Variants in CA10 observed in about 807,000 individuals in gnomAD.
The protein encoded by CA10 is carbonic anhydrase 10 (inactive), also known as carbonic anhydrase-related protein 10.
A neutral mutation model predicts 44.2 loss-of-function variants in CA10; 14 were observed. The observed-to-expected ratio is 0.32, with a 90% CI of 0.21 to 0.50. CA10 has a LOEUF of 0.50. Among genes scored for constraint, CA10 ranks in the 20% least tolerant of loss-of-function variants. The pLI is 0.99. For synonymous variants in CA10, 159 were observed against 141.6 expected (o/e 1.12, Z -0.87); for missense variants, 350 against 409.7 (o/e 0.85, Z 1.26).
intron 1 of CA10, among the ~76,000 whole-genome samples, chr17:52,102,513 A>G (rs1034063280): frequency 3.3e-5 from 5 of 152,208 alleles, no homozygotes; most frequent in African/African-American, 1.2e-4. Context: ...ACATTAAGAA[A>G]CATGGAACTT....
chr17:51,788,974 A>G (rs1304402263), intron 3 of CA10, among the ~76,000 whole-genome samples: 1 of 152,156 alleles, frequency 6.6e-6, no homozygotes, highest in African/African-American at 2.4e-5. Flanking sequence ...TGGCATGTAT[A>G]GTGTTTGTCA....
chr17:51,831,477 T>G (rs2143784868), intron 3 of CA10, among the ~76,000 whole-genome samples: 1 of 152,262 alleles, frequency 6.6e-6, no homozygotes, highest in African/African-American at 2.4e-5. Context: ...GGATTCAGCC[T>G]CTATCTTCCC....
At chr17:51,890,020 C>T (rs1443028248) in intron 3 of CA10, among the ~76,000 whole-genome samples, 1 of 152,112 alleles carries the variant, frequency 6.6e-6, no homozygotes, top group East Asian at 1.9e-4. Context: ...TCTTAGGCAG[C>T]TCAATTCACT....
At chr17:52,002,117 C>T (rs1254061741) in intron 2 of CA10, among the ~76,000 whole-genome samples, 1 of 151,650 alleles carries the variant, frequency 6.6e-6, no homozygotes, top group African/African-American at 2.4e-5. Flanking sequence ...TCCAAGACTC[C>T]CATGAAACTT....
chr17:51,946,826 T>A (rs1983294355), intron 2 of CA10, among the ~76,000 whole-genome samples: 1 of 152,178 alleles, frequency 6.6e-6, no homozygotes, highest in Admixed American at 6.6e-5. Context: ...TAGCTTATAG[T>A]ATGATAATGA....
rs78269361 is a variant in CA10, at chr17:52,021,274, G to A, written c.136+51045C>T. On this transcript the variant is annotated intron_variant, in intron 2 of 8. Transcript: ENST00000451037. ...GAATACCACTCCAATGAACATCTGA[G>A]TATAGGTTTCTTTTTGGGAAAAATG... 1.2e-3 allele frequency among the ~76,000 whole-genome samples: 189 copies of A among 152,164 alleles called. 2 individuals are homozygous for A. The Middle Eastern group carries it at 0.014, about 11-fold the overall frequency.
chr17:52,008,218 C>G (rs113367202), intron 2 of CA10, among the ~76,000 whole-genome samples: 1,924 of 151,626 alleles, frequency 0.013, 35 homozygotes, highest in African/African-American at 0.044. Context: ...AAGTTCTAAA[C>G]CATTTGAGGA....
At chr17:52,105,815 G>A (rs1448559369) in intron 1 of CA10, among the ~76,000 whole-genome samples, 2 of 152,060 alleles carry the variant, frequency 1.3e-5, no homozygotes, top group Non-Finnish European at 2.9e-5. Context: ...TCATCTCCAG[G>A]CCTGTGACTT....
In CA10 at chr17:51,630,400, A is replaced by ATTCG. The variant is rs1342063371; in HGVS notation, c.*1180_*1183dup. On this transcript the variant is annotated 3_prime_UTR_variant, in exon 9 of 9. Transcript: ENST00000451037. ...CCATTATAAACAAGAAAAGAAAGGCATTCGTTTTGTACTTTGTGAGATCTG... is the reference window on the plus strand; with the variant it reads ...CCATTATAAACAAGAAAAGAAAGGCATTCGTTCGTTTTGTACTTTGTGAGATCTG... The ATTCG allele has an allele frequency of 6.6e-6, 1 of 152,656 alleles. No homozygotes were observed. The highest frequency in any genetic ancestry group is 1.9e-4 in the East Asian group (1 of 5,202). 9.5% of individuals were successfully genotyped at this position (152,656 alleles called of 1,614,324 possible). A position where few individuals can be genotyped will look rare whatever the true frequency, so the allele number is the denominator to read the frequency against.
intron 6 of CA10, among the ~76,000 whole-genome samples, chr17:51,636,376 G>A (rs147132329): frequency 1.3e-4 from 20 of 152,302 alleles, no homozygotes; most frequent in African/African-American, 4.1e-4. Context: ...AAAGCATGGC[G>A]AATGTGTGTT....
intron 3 of CA10, among the ~76,000 whole-genome samples, chr17:51,774,290 A>G (rs1905724249): frequency 6.6e-6 from 1 of 152,152 alleles, no homozygotes; most frequent in African/African-American, 2.4e-5. Flanking sequence ...TTACTTATGA[A>G]TTTTCAAAGG....
intron 1 of CA10, among the ~76,000 whole-genome samples, chr17:52,084,032 G>GA (rs1988052496): frequency 6.6e-6 from 1 of 152,048 alleles, no homozygotes; most frequent in Non-Finnish European, 1.5e-5. Context: ...CTCCCTGACT[G>GA]AAAAAAGACT....
chr17:51,890,577 C>A (rs552279692), intron 3 of CA10, among the ~76,000 whole-genome samples: 1 of 152,050 alleles, frequency 6.6e-6, no homozygotes. Flanking sequence ...CTTTTAGTTA[C>A]CACACATCTC....
chr17:51,828,728 T>G (rs541887547), intron 3 of CA10, among the ~76,000 whole-genome samples: 2 of 152,338 alleles, frequency 1.3e-5, no homozygotes, highest in Non-Finnish European at 2.9e-5. Flanking sequence ...ACAATTTTTA[T>G]GCTCAAACTT....
intron 2 of CA10, among the ~76,000 whole-genome samples, chr17:52,051,028 G>C (rs1319502611): frequency 2.0e-5 from 3 of 148,424 alleles, no homozygotes; most frequent in African/African-American, 5.1e-5. Context: ...AAGGAAGGAA[G>C]GAAGGGAAGG....
At chr17:51,740,093 C>A (rs1904397479) in intron 4 of CA10, among the ~76,000 whole-genome samples, 1 of 152,002 alleles carries the variant, frequency 6.6e-6, no homozygotes, top group African/African-American at 2.4e-5. Flanking sequence ...TATGACTATA[C>A]AATTTAATTC....
chr17:51,777,959 T>C (rs1006424895), intron 3 of CA10, among the ~76,000 whole-genome samples: 5 of 152,126 alleles, frequency 3.3e-5, no homozygotes, highest in African/African-American at 1.2e-4. Context: ...TATATATAGA[T>C]ACAAATAATG....
intron 4 of CA10, among the ~76,000 whole-genome samples, chr17:51,662,665 C>T (rs1348206241): frequency 6.6e-6 from 1 of 152,180 alleles, no homozygotes; most frequent in Non-Finnish European, 1.5e-5. Flanking sequence ...GTTTACCAGC[C>T]ACCACATTCT....
chr17:51,936,255 C>T (rs1394665807), intron 2 of CA10, among the ~76,000 whole-genome samples: 1 of 152,122 alleles, frequency 6.6e-6, no homozygotes, highest in Non-Finnish European at 1.5e-5. Context: ...TTCCTATTCT[C>T]ATGAATCTTG....
Sources: gnomAD v4.1 joint callset for allele counts (sites outside exome capture counted in the v4.1 genomes callset) on GRCh38, gnomAD v4.1.1 for gene constraint, MANE v1.5 for transcripts, NCBI Gene and HGNC (gene_info 2026-07-23, HGNC 2026-07-21) for gene names.